The following PAQR6 variants were observed in gnomAD, a reference collection of about 807,000 sequenced individuals.
PAQR6 encodes progestin and adipoQ receptor family member 6.
A neutral mutation model predicts 36.2 loss-of-function variants in PAQR6; 34 were observed. That is an observed-to-expected ratio of 0.94 (90% CI 0.71 to 1.25). PAQR6 has a LOEUF of 1.25. Ranked by LOEUF, PAQR6 falls within the 50% of genes most tolerant of loss-of-function variation. PAQR6 has a pLI of 0.00. For synonymous variants in PAQR6, 190 were observed against 190.7 expected (o/e 1.00, Z 0.03); for missense variants, 431 against 445.7 (o/e 0.97, Z 0.30).
chr1:156,245,468 CAGTG>C, intron 5 of PAQR6, 63 bp downstream of exon 5: 1 of 1,590,128 alleles, frequency 6.3e-7, no homozygotes, highest in Non-Finnish European at 8.6e-7. Flanking sequence ...TGTTCGAGAG[CAGTG>C]AGGTGTGTCC....
chr1:156,244,418 G>C lies in PAQR6; in HGVS notation c.761-15C>G. The C allele has an allele frequency of 6.7e-7, 1 of 1,494,916 alleles. No homozygotes were observed. Among genetic ancestry groups the C allele is most frequent in the Non-Finnish European group, 9.0e-7 (1 of 1,116,424 alleles). The allele number at this position is 1,494,916 out of a possible 1,614,324, so 92.6% of individuals were successfully genotyped here. A position where few individuals can be genotyped will look rare whatever the true frequency, so the allele number is the denominator to read the frequency against. ...GTGGCTGTGGCCTGTGGAGAGGATG[G>C]GCAGGTCAGAGCCACACCTTTCCCA... On this transcript the variant is annotated splice_polypyrimidine_tract_variant and intron_variant, in intron 7 of 7. Transcript: ENST00000292291.
chr1:156,245,320 G>C (rs1660215989), intron 5 of PAQR6, 82 bp from the exon 6 acceptor site: 3 of 1,434,014 alleles, frequency 2.1e-6, no homozygotes, highest in Non-Finnish European at 2.9e-6. Context: ...CTTGGGCAAA[G>C]ATGGAATATC....
At position 156,245,924 on chromosome 1, in the gene PAQR6, G is replaced by A. The variant is rs1558216532; in HGVS notation, c.243C>T (p.His81=). ...GGPGFRAEPY[H]WPLLVFLLPA... ...GCAGCAGGAAGACCAGCAGCGGCCA[G>A]TGGTACGGCTCCGCACGGAAGCCGG... is the stretch of plus-strand genomic sequence containing the variant. The change falls in exon 4 of 8, where the codon CAC becomes CAT. Residue 81 remains histidine (H), a synonymous_variant. Coordinates refer to ENST00000292291, the MANE Select transcript of PAQR6 (RefSeq NM_198406.3). 6.4e-7 allele frequency: 1 copy of A among 1,556,424 alleles called. No homozygotes were observed. Among genetic ancestry groups the A allele is most frequent in the Non-Finnish European group, 8.7e-7 (1 of 1,152,032 alleles).
intron 1 of PAQR6, 108 bp from the exon 2 acceptor site, chr1:156,246,864 A>AC (rs1260377576): frequency 1.4e-5 from 13 of 905,812 alleles, no homozygotes; most frequent in Non-Finnish European, 2.2e-5. Context: ...GGCAGATGGC[A>AC]CCCTCCCTCC....
At chr1:156,247,715 C>T (rs543972529) in intron 1 of PAQR6, 4 of 199,584 alleles carry the variant, frequency 2.0e-5, no homozygotes, top group Admixed American at 6.2e-5. Flanking sequence ...ATCCCTTGCT[C>T]GCTCCCACAA....
At chr1:156,246,899 G>A in intron 1 of PAQR6, 143 bp from the exon 2 acceptor site, 1 of 673,156 alleles carries the variant, frequency 1.5e-6, no homozygotes, top group Middle Eastern at 4.3e-4. Context: ...TCAGGCCTGG[G>A]GAAGCTGGTC....
chr1:156,247,583 C>G (rs1361392979), intron 1 of PAQR6: 2 of 154,732 alleles, frequency 1.3e-5, no homozygotes, highest in Non-Finnish European at 2.9e-5. Flanking sequence ...GGGGCTTGCA[C>G]CAGCAGTCAC....
chr1:156,245,207 T>C lies in PAQR6; in HGVS notation c.544A>G (p.Lys182Glu), dbSNP rs1223541039. The C allele has an allele frequency of 6.2e-7, 1 of 1,614,008 alleles. No homozygotes were observed. Among genetic ancestry groups the C allele is most frequent in the Non-Finnish European group, 8.5e-7 (1 of 1,179,990 alleles). Reference protein sequence around the residue: ...FLELESPGLSKVLRTGAFAYP... With the variant: ...FLELESPGLSEVLRTGAFAYP... Reference sequence around the variant, plus strand: ...GCGAAGGCTCCTGTGCGGAGGACCTTACTGAGCCCAGGGCTTTCCAGCTCC... The same window carrying C: ...GCGAAGGCTCCTGTGCGGAGGACCTCACTGAGCCCAGGGCTTTCCAGCTCC... The change falls in exon 6 of 8, where the codon AAG becomes GAG. Residue 182 changes from lysine to glutamate, a missense_variant. Coordinates refer to ENST00000292291, the MANE Select transcript of PAQR6 (RefSeq NM_198406.3).
rs982354669 is a variant in PAQR6 at position 156,243,680 on chromosome 1, G to C, written c.*449C>G. On this transcript the variant is annotated 3_prime_UTR_variant, in exon 8 of 8. Transcript: ENST00000292291. ...CTGGCATTACCTGGTTTGTGGGGAT[G>C]GGGGGGCAAGTGTGTGGCCTCTCGG... is the stretch of plus-strand genomic sequence containing the variant. 6 of 752,394 alleles carry C rather than the reference G, an allele frequency of 8.0e-6. No individual in the cohort carries two copies. The highest frequency in any genetic ancestry group is 2.5e-5 in the Admixed American group (1 of 39,446). The allele number at this position is 752,394 out of a possible 1,614,324, so 46.6% of individuals were successfully genotyped here. A position where few individuals can be genotyped will look rare whatever the true frequency, so the allele number is the denominator to read the frequency against.
rs376734651 is a variant in PAQR6 at position 156,245,779 on chromosome 1, C to T, written c.385+3G>A. 7.5e-6 allele frequency: 12 copies of T among 1,590,766 alleles called. No homozygotes were observed. Among genetic ancestry groups the T allele is most frequent in the African/African-American group, 1.3e-5 (1 of 74,656 alleles). ...CCCGCGCTCCCGCGCCTGTCCGGCT[C>T]ACCCAGACTGTAGAGGCTGAGCGCG... On this transcript the variant is annotated splice_donor_region_variant and intron_variant, in intron 4 of 7. Transcript: ENST00000292291.
At chr1:156,245,394 G>T in intron 5 of PAQR6, 141 bp downstream of exon 5, 1 of 1,392,126 alleles carries the variant, frequency 7.2e-7, no homozygotes, top group Non-Finnish European at 1.0e-6. Context: ...GACCACATCT[G>T]TATGTGGGGA....
rs757197401 is a variant in PAQR6 at position 156,246,643 on chromosome 1, G to A, written c.51+38C>T. 28 of 1,608,006 alleles carry A rather than the reference G, an allele frequency of 1.7e-5. No individual in the cohort carries two copies. The South Asian group carries it at 2.1e-4, about 12-fold the overall frequency. Reference sequence around the variant, plus strand: ...GTCAGCCCCTAGTCAGTCCTCTAGGGAATGGGGGTTGGTGGGTCAGTGGGT... The same window carrying A: ...GTCAGCCCCTAGTCAGTCCTCTAGGAAATGGGGGTTGGTGGGTCAGTGGGT... On this transcript the variant is annotated intron_variant, in intron 2 of 7. Transcript: ENST00000292291.
rs1305866771 is a variant in PAQR6, at chr1:156,243,658, G to C, written c.*471C>G. 1.4e-5 allele frequency: 9 copies of C among 651,152 alleles called. No individual in the cohort carries two copies. Among genetic ancestry groups the C allele is most frequent in the African/African-American group, 1.8e-5 (1 of 55,456 alleles). 40.3% of individuals were successfully genotyped at this position (651,152 alleles called of 1,614,324 possible). On this transcript the variant is annotated 3_prime_UTR_variant, in exon 8 of 8. Transcript: ENST00000292291. The stretch of plus-strand genomic sequence containing the variant: ...TAGGCAAATAGCTGCTGGCAAACTG[G>C]CATTACCTGGTTTGTGGGGATGGGG...
chr1:156,245,653 A>C lies in PAQR6; in HGVS notation c.394T>G (p.Phe132Val). 1 of 1,612,846 alleles carries C rather than the reference A, an allele frequency of 6.2e-7. No individual in the cohort carries two copies. Among genetic ancestry groups the C allele is most frequent in the Non-Finnish European group, 8.5e-7 (1 of 1,179,792 alleles). ...ALSLYSLGCA[F>V]PYAAYSMPAS... ...GGCATGGAGTAGGCGGCATAGGGGAAGGCGCAGCCTGCGGTGAGGTGGGGG... is the reference window on the plus strand; with the variant it reads ...GGCATGGAGTAGGCGGCATAGGGGACGGCGCAGCCTGCGGTGAGGTGGGGG... Residue 132 changes from phenylalanine (F) to valine (V), a missense_variant, in exon 5 of 8, where the codon TTC (phenylalanine) becomes GTC (valine). Physicochemically the swap from Phe to Val is conservative, Grantham distance 50. Transcript: ENST00000292291.
rs35270353 is a variant in PAQR6 at position 156,245,640 on chromosome 1, G to A, written c.407C>T (p.Ala136Val). ...CAGCCAGGAGGCCGGCATGGAGTAG[G>A]CGGCATAGGGGAAGGCGCAGCCTGC... ...YSLGCAFPYA[A>V]YSMPASWLHG... Residue 136 changes from alanine to valine, a missense_variant, in exon 5 of 8, where the codon GCC (alanine) becomes GTC (valine). Ala to Val is a moderately conservative substitution (Grantham distance 64, BLOSUM62 0). Transcript: ENST00000292291. 122 of 1,613,144 alleles carry A rather than the reference G, an allele frequency of 7.6e-5. 1 individual carries two copies. Among genetic ancestry groups the A allele is most frequent in the Admixed American group, 5.0e-5 (3 of 59,990 alleles).
chr1:156,245,826 A>G lies in PAQR6; in HGVS notation c.341T>C (p.Ile114Thr). The G allele has an allele frequency of 6.2e-7, 1 of 1,606,926 alleles. No homozygotes were observed. The change falls in exon 4 of 8, where the codon ATC (isoleucine) becomes ACC (threonine). Residue 114 changes from isoleucine to threonine, a missense_variant. Physicochemically the swap from Ile to Thr is moderately conservative, Grantham distance 89 (BLOSUM62 -1). Transcript: ENST00000292291. ...FSSMSPRMRHICYFLDYGALS... is the reference protein window; with the variant it reads ...FSSMSPRMRHTCYFLDYGALS... ...CGCGCCGTAGTCGAGGAAGTAGCAGATGTGGCGCATGCGGGGCGACATGGA... is the reference window on the plus strand; with the variant it reads ...CGCGCCGTAGTCGAGGAAGTAGCAGGTGTGGCGCATGCGGGGCGACATGGA...
intron 2 of PAQR6, 37 bp from the exon 3 acceptor site, chr1:156,246,287 C>T: frequency 1.3e-6 from 2 of 1,553,322 alleles, no homozygotes; most frequent in Non-Finnish European, 1.8e-6. Context: ...CGTCACTGTG[C>T]CCGGACCCTT....
chr1:156,246,551 A>G, intron 2 of PAQR6, 130 bp downstream of exon 2: 5 of 1,091,930 alleles, frequency 4.6e-6, no homozygotes, highest in Non-Finnish European at 6.6e-6. Context: ...GAAGAGTCTC[A>G]CACTGGAATG....
At position 156,246,775 on chromosome 1, in the gene PAQR6, G is replaced by C; in HGVS notation, c.-25-19C>G. ...CGTTGACCTAGAGACAGAGTGGGAG[G>C]TAGGGGATCAGATAACTGCCCCCAT... On this transcript the variant is annotated intron_variant, in intron 1 of 7. Coordinates refer to ENST00000292291, the MANE Select transcript of PAQR6 (RefSeq NM_198406.3). 1 of 1,599,234 alleles carries C rather than the reference G, an allele frequency of 6.3e-7. No homozygotes were observed.
Sources: allele counts gnomAD v4.1 joint callset, GRCh38; gene constraint gnomAD v4.1.1; transcripts MANE v1.5; gene names NCBI Gene and HGNC (gene_info 2026-07-23, HGNC 2026-07-21).